Variants in BABAM2 observed in about 807,000 individuals in gnomAD.
The protein encoded by BABAM2 is BRISC and BRCA1-A complex member 2.
BABAM2 carries 31 observed loss-of-function variants against 54.7 expected under a neutral mutation model. The observed-to-expected ratio is 0.57, with a 90% CI of 0.43 to 0.77. BABAM2 has a LOEUF of 0.77. Ranked by LOEUF, BABAM2 falls within the 30% of genes least tolerant of loss-of-function variation. The pLI is 0.00. For missense variants in BABAM2, 364 were observed against 455.8 expected (o/e 0.80, Z 1.83); for synonymous variants, 167 against 162.9 (o/e 1.03, Z -0.19).
intron 6 of BABAM2, among the ~76,000 whole-genome samples, chr2:28,078,176 C>G (rs1343455393): frequency 6.6e-6 from 1 of 152,068 alleles, no homozygotes; most frequent in Non-Finnish European, 1.5e-5. Context: ...CCACTTTGCT[C>G]TAGCTGTGTA....
chr2:28,337,025 G>A (rs551724748), intron 11 of BABAM2, among the ~76,000 whole-genome samples: 1 of 152,356 alleles, frequency 6.6e-6, no homozygotes, highest in African/African-American at 2.4e-5. Context: ...GAAATGGACT[G>A]TGGGAGGTTC....
At chr2:27,893,444 C>T (rs998931992) in intron 1 of BABAM2, among the ~76,000 whole-genome samples, 2 of 152,206 alleles carry the variant, frequency 1.3e-5, no homozygotes, top group African/African-American at 4.8e-5. Flanking sequence ...TTTGTTATAT[C>T]TCTTCCTTGG....
intron 11 of BABAM2, among the ~76,000 whole-genome samples, chr2:28,321,514 G>T: frequency 6.6e-6 from 1 of 152,148 alleles, no homozygotes; most frequent in Non-Finnish European, 1.5e-5. Flanking sequence ...TAGGAATCGT[G>T]TGAAATCTAA....
At chr2:28,038,989 C>T (rs1331569470) in intron 5 of BABAM2, among the ~76,000 whole-genome samples, 1 of 152,208 alleles carries the variant, frequency 6.6e-6, no homozygotes. Flanking sequence ...AACTAACTTA[C>T]ATTCCCACTA....
At chr2:27,986,235 A>G (rs979854465) in intron 3 of BABAM2, among the ~76,000 whole-genome samples, 5 of 152,182 alleles carry the variant, frequency 3.3e-5, no homozygotes, top group Admixed American at 6.5e-5. Flanking sequence ...GCACATTAAG[A>G]ATATTTACTT....
chr2:27,895,106 G>A lies in BABAM2; in HGVS notation c.128+422G>A, dbSNP rs183810930. ...CAAAATGGGTCATTTCTCACAATGG[G>A]GTTGAAACAGCAAGATCTCACACCT... On this transcript the variant is annotated intron_variant, in intron 2 of 11. Coordinates refer to ENST00000379624, the MANE Select transcript of BABAM2 (RefSeq NM_199191.3). 6.7e-3 allele frequency: 1,039 copies of A among 154,684 alleles called. 12 individuals are homozygous for A. The highest frequency in any genetic ancestry group is 0.024 in the African/African-American group (985 of 41,574). 9.6% of individuals were successfully genotyped at this position (154,684 alleles called of 1,614,324 possible).
At chr2:27,931,360 C>T (rs1480098234) in intron 3 of BABAM2, among the ~76,000 whole-genome samples, 2 of 152,240 alleles carry the variant, frequency 1.3e-5, no homozygotes, top group East Asian at 3.9e-4. Flanking sequence ...GAGAGAATCA[C>T]TTGCAGATTC....
chr2:28,289,705 A>G (rs2148218415), intron 10 of BABAM2, among the ~76,000 whole-genome samples: 1 of 152,266 alleles, frequency 6.6e-6, no homozygotes, highest in African/African-American at 2.4e-5. Flanking sequence ...GCAGGAGAAT[A>G]GCTTGAAGCT....
intron 6 of BABAM2, among the ~76,000 whole-genome samples, chr2:28,060,212 A>G (rs547622375): frequency 9.2e-5 from 14 of 152,350 alleles, no homozygotes; most frequent in African/African-American, 2.6e-4. Flanking sequence ...AATCAACAAT[A>G]TAACTAATCA....
intron 6 of BABAM2, among the ~76,000 whole-genome samples, chr2:28,119,264 A>C (rs1237379409): frequency 1.3e-5 from 2 of 152,220 alleles, no homozygotes; most frequent in Non-Finnish European, 2.9e-5. Flanking sequence ...CACTTAGGGC[A>C]GTAGGGGAAA....
At chr2:27,957,119 T>C (rs1038723463) in intron 3 of BABAM2, among the ~76,000 whole-genome samples, 4 of 152,156 alleles carry the variant, frequency 2.6e-5, no homozygotes, top group Admixed American at 6.5e-5. Context: ...CTTCTCTGGC[T>C]AAAAAAATGT....
chr2:28,308,255 A>G (rs1473793322), intron 11 of BABAM2: 1 of 402,624 alleles, frequency 2.5e-6, no homozygotes, highest in Non-Finnish European at 4.8e-6. Flanking sequence ...AAAGGTGTCC[A>G]CAGCCACAAA....
At chr2:28,274,313 C>T (rs1685688947) in intron 10 of BABAM2, among the ~76,000 whole-genome samples, 1 of 152,220 alleles carries the variant, frequency 6.6e-6, no homozygotes, top group African/African-American at 2.4e-5. Context: ...AACACTTGAT[C>T]CAAATAACGT....
intron 5 of BABAM2, among the ~76,000 whole-genome samples, chr2:28,028,319 C>T (rs1676024458): frequency 6.6e-6 from 1 of 151,986 alleles, no homozygotes; most frequent in Non-Finnish European, 1.5e-5. Flanking sequence ...ATAACCTAAT[C>T]TTGAAAGTGA....
chr2:28,274,115 A>C (rs1685669963), intron 10 of BABAM2, among the ~76,000 whole-genome samples: 1 of 152,164 alleles, frequency 6.6e-6, no homozygotes, highest in South Asian at 2.1e-4. Flanking sequence ...ATTTCAAGAC[A>C]CCACCTTTAT....
intron 7 of BABAM2, among the ~76,000 whole-genome samples, chr2:28,212,188 A>G (rs1679525835): frequency 6.6e-6 from 1 of 152,102 alleles, no homozygotes; most frequent in Admixed American, 6.5e-5. Context: ...ATATTTGCAA[A>G]TTATTTTGGC....
chr2:27,890,480 C>A, upstream of BABAM2: 1 of 706,552 alleles, frequency 1.4e-6, no homozygotes, highest in Non-Finnish European at 2.4e-6. This position sits in a 1 kb window ranked among gnomAD's most constrained non-coding sequence, Gnocchi z 4.8. Flanking sequence ...CACCTGACTG[C>A]CCGAAATCAC....
chr2:27,908,556 G>A (rs1418071092), intron 2 of BABAM2, among the ~76,000 whole-genome samples: 1 of 152,170 alleles, frequency 6.6e-6, no homozygotes, highest in Non-Finnish European at 1.5e-5. Context: ...ACAGGCGTGA[G>A]CCTCTGTGCT....
intron 1 of BABAM2, among the ~76,000 whole-genome samples, chr2:27,894,138 T>C (rs1448609786): frequency 2.0e-5 from 3 of 152,184 alleles, no homozygotes; most frequent in Non-Finnish European, 4.4e-5. Flanking sequence ...CAGGGAGAGA[T>C]TGCTAACTCA....
Sources: allele counts gnomAD v4.1 joint callset (sites outside exome capture counted in the v4.1 genomes callset), GRCh38; gene constraint gnomAD v4.1.1; non-coding constraint Gnocchi (gnomAD v3.1); transcripts MANE v1.5; gene names NCBI Gene and HGNC (gene_info 2026-07-23, HGNC 2026-07-21).